Variants in ATP11A observed in about 807,000 individuals in gnomAD.
ATP11A encodes the protein phospholipid-transporting ATPase IH.
Under a neutral mutation model 154.4 loss-of-function variants are expected in ATP11A, and 81 were observed. The ratio of observed to expected loss-of-function variants is 0.52; its 90% confidence interval spans 0.44 to 0.63. The LOEUF (loss-of-function observed/expected upper bound fraction) is 0.63. ATP11A is among the 30% of genes least tolerant of loss of function. The pLI is 0.00. For missense variants in ATP11A, 1,316 were observed against 1,474.3 expected (o/e 0.89, Z 1.76); for synonymous variants, 623 against 585.9 (o/e 1.06, Z -0.91).
chr13:112,789,247 CGGGTGTCCTGATGCGT>C (rs1566484926), intron 2 of ATP11A, among the ~76,000 whole-genome samples: 5 of 149,820 alleles, frequency 3.3e-5, no homozygotes, highest in African/African-American at 1.3e-4. Flanking sequence ...TAATCCACAC[CGGGTGTCCTGATGCGT>C]AGACTCCTGT....
At chr13:112,782,935 C>T (rs1289330336) in intron 1 of ATP11A, among the ~76,000 whole-genome samples, 1 of 152,216 alleles carries the variant, frequency 6.6e-6, no homozygotes, top group Non-Finnish European at 1.5e-5. Context: ...CTCGGCTCCC[C>T]GTGGAAACAC....
chr13:112,789,678 G>C (rs985916681), intron 2 of ATP11A, among the ~76,000 whole-genome samples: 1 of 150,952 alleles, frequency 6.6e-6, no homozygotes, highest in Non-Finnish European at 1.5e-5. Flanking sequence ...TTCACACCGG[G>C]TATTCTGACG....
At chr13:112,816,801 A>G (rs2078659105) in intron 6 of ATP11A, among the ~76,000 whole-genome samples, 1 of 152,244 alleles carries the variant, frequency 6.6e-6, no homozygotes, top group Non-Finnish European at 1.5e-5. Flanking sequence ...TAACAAAAAT[A>G]ACTTCAGTGT....
chr13:112,825,717 T>C (rs2078916446), intron 11 of ATP11A, 137 bp downstream of exon 11: 2 of 1,020,212 alleles, frequency 2.0e-6, no homozygotes, highest in Non-Finnish European at 2.8e-6. Context: ...CTGTGATAGA[T>C]GCATTCACTG....
At position 112,769,797 on chromosome 13, in the gene ATP11A, G is replaced by A. The variant is rs1289683394; in HGVS notation, c.40-15338G>A. Among the ~76,000 whole-genome samples the A allele has an allele frequency of 2.6e-5, 4 of 152,236 alleles. No homozygotes were observed. In the South Asian group the frequency reaches 6.2e-4, roughly 24 times the overall value. On this transcript the variant is annotated intron_variant, in intron 1 of 29. Coordinates refer to ENST00000375645, the MANE Select transcript of ATP11A (RefSeq NM_015205.3). ...CTGAGAGAGGCACCGTGAAGGCACC[G>A]TGCTGAGGCCAGCCTCAGAGCCGCG...
At position 112,875,628 on chromosome 13, in the gene ATP11A, A is replaced by ATAAATTCAGAGCAGGCTCCGTGGC; in HGVS notation, c.3162-146_3162-123dup. The ATAAATTCAGAGCAGGCTCCGTGGC allele has an allele frequency of 1.3e-6, 1 of 771,692 alleles. No individual in the cohort carries two copies. Among genetic ancestry groups the ATAAATTCAGAGCAGGCTCCGTGGC allele is most frequent in the Non-Finnish European group, 2.0e-6 (1 of 504,382 alleles). The allele number at this position is 771,692 out of a possible 1,614,324, so 47.8% of individuals were successfully genotyped here. A position where few individuals can be genotyped will look rare whatever the true frequency, so the allele number is the denominator to read the frequency against. Reference sequence around the variant, plus strand: ...AGGTTCAGTGTTCATTTTTTATATGATAAATTCAGAGCAGGCTCCGTGGCT... The same window carrying ATAAATTCAGAGCAGGCTCCGTGGC: ...AGGTTCAGTGTTCATTTTTTATATGATAAATTCAGAGCAGGCTCCGTGGCTAAATTCAGAGCAGGCTCCGTGGCT... On this transcript the variant is annotated intron_variant, in intron 27 of 29. Coordinates refer to ENST00000375645, the MANE Select transcript of ATP11A (RefSeq NM_015205.3). This position sits in a 1 kb window ranked among gnomAD's most constrained non-coding sequence, Gnocchi z 4.1.
rs2079296548 is a variant in ATP11A, at chr13:112,838,274, G to T, written c.1705+2023G>T. 1.3e-5 allele frequency among the ~76,000 whole-genome samples: 2 copies of T among 152,200 alleles called. No homozygotes were observed. Among genetic ancestry groups the T allele is most frequent in the South Asian group, 4.1e-4 (2 of 4,824 alleles). The stretch of plus-strand genomic sequence containing the variant: ...GTTATCTGGGATAAACGCATCCTGG[G>T]TGGGAAGTTCCTGGTCCATCCCGTC... On this transcript the variant is annotated intron_variant, in intron 16 of 29. Transcript: ENST00000375645. This position sits in a 1 kb window ranked among gnomAD's most constrained non-coding sequence, Gnocchi z 7.3.
In ATP11A at chr13:112,817,149, C is replaced by T. The variant is rs913550908; in HGVS notation, c.570+938C>T. Among the ~76,000 whole-genome samples the T allele has an allele frequency of 8.5e-5, 13 of 152,294 alleles. No homozygotes were observed. In the South Asian group the frequency reaches 1.2e-3, roughly 15 times the overall value. Reference sequence around the variant, plus strand: ...TTAAGATTCTTCTTATTTAAAAAATCTTGAAGTTTCTAAGGAGTTTATGAA... The same window carrying T: ...TTAAGATTCTTCTTATTTAAAAAATTTTGAAGTTTCTAAGGAGTTTATGAA... On this transcript the variant is annotated intron_variant, in intron 6 of 29. Transcript: ENST00000375645.
intron 1 of ATP11A, among the ~76,000 whole-genome samples, chr13:112,695,849 C>T (rs1885737313): frequency 6.6e-6 from 1 of 151,788 alleles, no homozygotes; most frequent in Non-Finnish European, 1.5e-5. Flanking sequence ...TTTTTTTAAC[C>T]AAGTTAAATG....
At chr13:112,724,217 A>G (rs113082226) in intron 1 of ATP11A, among the ~76,000 whole-genome samples, 2 of 142,394 alleles carry the variant, frequency 1.4e-5, no homozygotes, top group African/African-American at 5.2e-5. Flanking sequence ...CCATTCCGAC[A>G]CTGCATGCCC....
At chr13:112,833,765 G>A (rs780666107) in intron 14 of ATP11A, among the ~76,000 whole-genome samples, 14 of 152,184 alleles carry the variant, frequency 9.2e-5, no homozygotes, top group Admixed American at 2.6e-4. Flanking sequence ...CCACACATGC[G>A]TAGGTGAGGC....
In ATP11A at chr13:112,753,962, C is replaced by T. The variant is rs1395591307; in HGVS notation, c.40-31173C>T. On this transcript the variant is annotated intron_variant, in intron 1 of 29. Coordinates refer to ENST00000375645, the MANE Select transcript of ATP11A (RefSeq NM_015205.3). This position sits in a 1 kb window ranked among gnomAD's most constrained non-coding sequence, Gnocchi z 4.1. ...TCATTTGAGCTCATTACGTGGACAC[C>T]GCTGCCTCTGAAGCTGGTTCTGCCA... Among the ~76,000 whole-genome samples the T allele has an allele frequency of 1.3e-5, 2 of 152,200 alleles. No individual in the cohort carries two copies. The highest frequency in any genetic ancestry group is 2.4e-5 in the African/African-American group (1 of 41,442).
At chr13:112,801,925 T>C (rs1044074864) in intron 2 of ATP11A, among the ~76,000 whole-genome samples, 1 of 152,202 alleles carries the variant, frequency 6.6e-6, no homozygotes, top group Non-Finnish European at 1.5e-5. Flanking sequence ...TCTGCATTTA[T>C]ATGGAAAGGC....
At chr13:112,837,865 G>C (rs1026471840) in intron 16 of ATP11A, among the ~76,000 whole-genome samples, 1 of 150,486 alleles carries the variant, frequency 6.6e-6, no homozygotes, top group Non-Finnish European at 1.5e-5. Context: ...TCTCGGTGAC[G>C]CCCTGTGAGT....
Position 112,882,153 on chromosome 13 carries a change from G to C in ATP11A, c.*287G>C. On this transcript the variant is annotated 3_prime_UTR_variant, in exon 30 of 30. Transcript: ENST00000375645. The surrounding 1 kb of genome is among the most constrained non-coding windows in gnomAD (Gnocchi z 5.1). ...GGGGGGTCACAGGCCTTGCCCTCGA[G>C]CATGGCACCCTGGCCGCCTGGACCC... The C allele has an allele frequency of 1.5e-6, 2 of 1,304,582 alleles. No homozygotes were observed. Among genetic ancestry groups the C allele is most frequent in the South Asian group, 2.5e-5 (2 of 79,716 alleles). 80.8% of individuals were successfully genotyped at this position (1,304,582 alleles called of 1,614,324 possible).
intron 1 of ATP11A, chr13:112,747,466 G>C (rs1892297060): frequency 6.6e-6 from 1 of 152,218 alleles, no homozygotes; most frequent in Non-Finnish European, 1.5e-5. Flanking sequence ...AGTGTTTTTG[G>C]CAGTGTTTCA....
chr13:112,837,526 G>T, intron 16 of ATP11A, among the ~76,000 whole-genome samples: 1 of 152,208 alleles, frequency 6.6e-6, no homozygotes. Context: ...CCCAAATCCT[G>T]TGCCGTTCAG....
chr13:112,776,551 T>A (rs1312372831), intron 1 of ATP11A, among the ~76,000 whole-genome samples: 1 of 152,174 alleles, frequency 6.6e-6, no homozygotes, highest in Non-Finnish European at 1.5e-5. Flanking sequence ...GGTTCTGGGT[T>A]TGGTGTTGCG....
In ATP11A at chr13:112,697,093, C is replaced by G. The variant is rs1301604618; in HGVS notation, c.39+6638C>G. Among the ~76,000 whole-genome samples, 3 of 152,132 alleles carry G rather than the reference C, an allele frequency of 2.0e-5. No homozygotes were observed. Among genetic ancestry groups the G allele is most frequent in the African/African-American group, 7.2e-5 (3 of 41,438 alleles). On this transcript the variant is annotated intron_variant, in intron 1 of 29. Transcript: ENST00000375645. The surrounding 1 kb of genome is among the most constrained non-coding windows in gnomAD (Gnocchi z 4.0). ...CCTGGCCAGGTGGGTGCCTGCGTGT[C>G]CAGCCTGAGGGGCGGCCCACGCAGC...
Sources: allele counts gnomAD v4.1 joint callset (sites outside exome capture counted in the v4.1 genomes callset), GRCh38; gene constraint gnomAD v4.1.1; non-coding constraint Gnocchi (gnomAD v3.1); transcripts MANE v1.5; gene names NCBI Gene and HGNC (gene_info 2026-07-23, HGNC 2026-07-21).